The following TUBGCP6 variants were observed in gnomAD, a reference collection of about 807,000 sequenced individuals.
TUBGCP6 encodes gamma-tubulin complex component 6.
A neutral mutation model predicts 175.8 loss-of-function variants in TUBGCP6; 161 were observed. That is an observed-to-expected ratio of 0.92 (90% CI 0.81 to 1.04). TUBGCP6 has a LOEUF of 1.04. TUBGCP6 is among the 50% of genes least tolerant of loss of function. The probability of loss-of-function intolerance (pLI) is 0.00; values close to 1 mark genes in which losing one functional copy is unlikely to be tolerated. For missense variants in TUBGCP6, 2,572 were observed against 2,433.0 expected (o/e 1.06, Z -1.20); for synonymous variants, 1,173 against 1,030.5 (o/e 1.14, Z -2.65).
chr22:50,240,201 C>T lies in TUBGCP6; in HGVS notation c.905+3G>A, dbSNP rs751730420. 6.2e-7 allele frequency: 1 copy of T among 1,613,522 alleles called. No homozygotes were observed. Among genetic ancestry groups the T allele is most frequent in the South Asian group, 1.1e-5 (1 of 91,054 alleles). On this transcript the variant is annotated splice_donor_region_variant and intron_variant, in intron 2 of 24. Transcript: ENST00000248846. Reference sequence around the variant, plus strand: ...GCATGCCAAGGCAAAGAAGGGCACACACCAGCCAACTCGCTCCCAGCACCT... The same window carrying T: ...GCATGCCAAGGCAAAGAAGGGCACATACCAGCCAACTCGCTCCCAGCACCT...
chr22:50,221,942 G>C (rs1016169076), intron 15 of TUBGCP6, 68 bp from the exon 16 acceptor site: 1 of 1,581,050 alleles, frequency 6.3e-7, no homozygotes, highest in African/African-American at 1.3e-5. Context: ...TGTCCCCCAA[G>C]TTCAGCTCTG....
chr22:50,219,888 C>A, intron 17 of TUBGCP6, 69 bp downstream of exon 17: 1 of 1,604,350 alleles, frequency 6.2e-7, no homozygotes, highest in Non-Finnish European at 8.5e-7. Context: ...GGGACCCACC[C>A]GCGTGACAAC....
chr22:50,231,685 C>T (rs1018606690), intron 3 of TUBGCP6, among the ~76,000 whole-genome samples: 1 of 151,712 alleles, frequency 6.6e-6, no homozygotes, highest in African/African-American at 2.4e-5. Context: ...TGGTGAAACC[C>T]CGTCTCTACT....
rs563482122 is a variant in TUBGCP6, at chr22:50,229,509, G to A, written c.1185C>T (p.Ser395=). The change falls in exon 4 of 25, where the codon AGC becomes AGT. Residue 395 remains serine (S), a synonymous_variant. Transcript: ENST00000248846. ...CATACTCGGCCACTTCCGAGAGCAG[G>A]CTGCTGATGCTCTCGGGAGACGCTC... ...VSGASPESIS[S]LLSEVAEYGT... 1.2e-6 allele frequency: 2 copies of A among 1,609,820 alleles called. No individual in the cohort carries two copies. The highest frequency in any genetic ancestry group is 1.3e-5 in the African/African-American group (1 of 74,972).
At position 50,243,950 on chromosome 22, in the gene TUBGCP6, C is replaced by CA; in HGVS notation, c.509dup (p.Leu170PhefsTer31). ...GTGTTTCCTGGATCATGCTGTGACA[C>CA]AAACACTCTTCTCTGGAGATCAGAG... On this transcript the variant is annotated frameshift_variant, in exon 1 of 25. Coordinates refer to ENST00000248846, the MANE Select transcript of TUBGCP6 (RefSeq NM_020461.4). LOFTEE classifies it high-confidence loss of function. 6.2e-7 allele frequency: 1 copy of CA among 1,614,158 alleles called. No individual in the cohort carries two copies.
chr22:50,237,387 A>G (rs1040459708), intron 2 of TUBGCP6, among the ~76,000 whole-genome samples: 2 of 152,224 alleles, frequency 1.3e-5, no homozygotes. Flanking sequence ...ATGAAACAAG[A>G]CCAAACGATT....
At chr22:50,227,154 T>C in intron 5 of TUBGCP6, 77 bp from the exon 6 acceptor site, 1 of 1,338,824 alleles carries the variant, frequency 7.5e-7, no homozygotes, top group Non-Finnish European at 1.0e-6. Flanking sequence ...GAGCAAAGTC[T>C]CCACGTATCT....
Position 50,218,279 on chromosome 22 carries a change from C to A in TUBGCP6, c.5078G>T (p.Trp1693Leu). ...GGCCAACCTGGCCCTGAACTCGCAC[C>A]AGGTGACGTGCAGGATCTGGTTGGC... ...YIANQILHVT[W>L]CEFRARLATV... Residue 1693 changes from tryptophan to leucine, a missense_variant, in exon 23 of 25, where the codon TGG (tryptophan) becomes TTG (leucine). By Grantham distance (61) the Trp-to-Leu change is moderately conservative. Coordinates refer to ENST00000248846, the MANE Select transcript of TUBGCP6 (RefSeq NM_020461.4). 1 of 1,613,130 alleles carries A rather than the reference C, an allele frequency of 6.2e-7. No homozygotes were observed. The highest frequency in any genetic ancestry group is 2.2e-5 in the East Asian group (1 of 44,868).
At position 50,218,795 on chromosome 22, in the gene TUBGCP6, C is replaced by G. The variant is rs762426410; in HGVS notation, c.4729G>C (p.Ala1577Pro). ...QCSLHGDTPH[A>P]SNLSLALKYL... Reference sequence around the variant, plus strand: ...TTGAGAGCGAGGGAGAGGTTGGAGGCGTGCGGGGTGTCCCCATGCAGGCTG... The same window carrying G: ...TTGAGAGCGAGGGAGAGGTTGGAGGGGTGCGGGGTGTCCCCATGCAGGCTG... The change falls in exon 21 of 25, where the codon GCC becomes CCC. Residue 1577 changes from alanine (A) to proline (P), a missense_variant. By Grantham distance (27) the Ala-to-Pro change is conservative (BLOSUM62 -1). Coordinates refer to ENST00000248846, the MANE Select transcript of TUBGCP6 (RefSeq NM_020461.4). 1 of 1,613,968 alleles carries G rather than the reference C, an allele frequency of 6.2e-7. No homozygotes were observed. Among genetic ancestry groups the G allele is most frequent in the African/African-American group, 1.3e-5 (1 of 74,928 alleles).
intron 17 of TUBGCP6, 51 bp downstream of exon 17, chr22:50,219,906 G>C (rs376384817): frequency 1.2e-6 from 2 of 1,611,794 alleles, no homozygotes; most frequent in African/African-American, 2.7e-5. Context: ...AACCTAGAGG[G>C]ACAGAGCCCT....
At chr22:50,225,644 T>A in intron 10 of TUBGCP6, 150 bp downstream of exon 10, 18 of 653,110 alleles carry the variant, frequency 2.8e-5, no homozygotes, top group East Asian at 9.4e-5. Context: ...CAACTCCCCC[T>A]TGGCACCCAC....
Position 50,217,748 on chromosome 22 carries a change from G to A in TUBGCP6, c.5448C>T (p.Tyr1816=). ...CCGCAGAGCAGCCTCAGGCGTCCTG[G>A]TAGTAGTTGTTGAAGTTGATGCGCA... is the stretch of plus-strand genomic sequence containing the variant. ...FLLRINFNNY[Y]QDA Residue 1816 remains tyrosine, a synonymous_variant, in exon 25 of 25, where the codon TAC becomes TAT. Coordinates refer to ENST00000248846, the MANE Select transcript of TUBGCP6 (RefSeq NM_020461.4). 2.5e-6 allele frequency: 4 copies of A among 1,613,982 alleles called. No homozygotes were observed. Among genetic ancestry groups the A allele is most frequent in the South Asian group, 1.1e-5 (1 of 91,064 alleles).
At chr22:50,240,762 G>C (rs535682043) in intron 1 of TUBGCP6, among the ~76,000 whole-genome samples, 1 of 152,368 alleles carries the variant, frequency 6.6e-6, no homozygotes, top group South Asian at 2.1e-4. Flanking sequence ...GGCTGAGGCA[G>C]GTGGATCACC....
intron 2 of TUBGCP6, among the ~76,000 whole-genome samples, chr22:50,236,129 A>C (rs2064775919): frequency 6.6e-6 from 1 of 152,148 alleles, no homozygotes; most frequent in African/African-American, 2.4e-5. Context: ...GGATACAGAA[A>C]AAAAAATTCA....
chr22:50,237,830 T>C (rs7511006), intron 2 of TUBGCP6, among the ~76,000 whole-genome samples: 46,978 of 152,092 alleles, frequency 0.31, 8,239 homozygotes, highest in South Asian at 0.4. Flanking sequence ...GGGGAGTTAA[T>C]AAATGAAATA....
At chr22:50,228,410 G>T (rs796695960) in intron 4 of TUBGCP6, among the ~76,000 whole-genome samples, 2 of 152,096 alleles carry the variant, frequency 1.3e-5, no homozygotes, top group African/African-American at 4.8e-5. Context: ...AATGGCGGCC[G>T]TGCTCTGTGC....
intron 3 of TUBGCP6, among the ~76,000 whole-genome samples, chr22:50,232,567 A>T (rs188134647): frequency 5.3e-4 from 80 of 152,050 alleles, no homozygotes; most frequent in African/African-American, 1.9e-3. Context: ...AAAAAAAAAA[A>T]AGAGAGTCAG....
In TUBGCP6 at chr22:50,218,208, G is replaced by A; in HGVS notation, c.5149C>T (p.Leu1717=). ...EEIQRAHAEY[L]HKAVFRGLLT... ...CCTCACCTGAAGACGGCCTTGTGCA[G>A]GTACTCTGCGTGCGCACGCTGGATC... Residue 1717 remains leucine, a synonymous_variant, in exon 23 of 25, where the codon CTG becomes TTG. Transcript: ENST00000248846. 2 of 1,612,210 alleles carry A rather than the reference G, an allele frequency of 1.2e-6. No individual in the cohort carries two copies. The highest frequency in any genetic ancestry group is 1.1e-5 in the South Asian group (1 of 91,080).
intron 2 of TUBGCP6, among the ~76,000 whole-genome samples, chr22:50,234,272 CCT>C (rs945429361): frequency 6.9e-6 from 1 of 145,374 alleles, no homozygotes; most frequent in Non-Finnish European, 1.5e-5. Flanking sequence ...CACCCACACC[CCT>C]GTCCATGGCA....
Sources: allele counts gnomAD v4.1 joint callset (sites outside exome capture counted in the v4.1 genomes callset), GRCh38; gene constraint gnomAD v4.1.1; transcripts MANE v1.5; gene names NCBI Gene and HGNC (gene_info 2026-07-23, HGNC 2026-07-21).